TRMT9B: variants seen among roughly 807,000 people sequenced by gnomAD.
TRMT9B encodes tRNA methyltransferase 9B (putative), also known as probable tRNA methyltransferase 9B.
In TRMT9B, 16 loss-of-function variants were observed where a neutral mutation model predicts 11.5. The ratio of observed to expected loss-of-function variants is 1.39; its 90% CI spans 0.94 to 2.11. The LOEUF (loss-of-function observed/expected upper bound fraction) is 2.11, where lower values mean the gene tolerates loss of function less well. TRMT9B is among the 30% of genes most tolerant of loss of function. The pLI is 0.00. For synonymous variants in TRMT9B, 274 were observed against 192.4 expected (o/e 1.42, Z -3.51); for missense variants, 941 against 553.8 (o/e 1.70, Z -7.02).
chr8:13,029,253 G>C lies in TRMT9B; in HGVS notation c.*7209G>C, dbSNP rs866390995. ...ATTAGATGTTATAGTGCCTCTTCTC[G>C]TGTTGATACGTGTATTTGGGTCAAA... On this transcript the variant is annotated 3_prime_UTR_variant, in exon 5 of 5. Coordinates refer to ENST00000524591, the MANE Select transcript of TRMT9B (RefSeq NM_020844.3). 6.0e-6 allele frequency: 1 copy of C among 166,918 alleles called. No homozygotes were observed. The highest frequency in any genetic ancestry group is 1.5e-5 in the Non-Finnish European group (1 of 68,088). The allele number at this position is 166,918 out of a possible 1,614,324, so 10.3% of individuals were successfully genotyped here.
chr8:12,957,486 C>G (rs1379192762), intron 1 of TRMT9B, among the ~76,000 whole-genome samples: 1 of 151,916 alleles, frequency 6.6e-6, no homozygotes, highest in African/African-American at 2.4e-5. Context: ...AATACAGGTA[C>G]ATTCTCAATG....
intron 1 of TRMT9B, among the ~76,000 whole-genome samples, chr8:12,990,165 G>T (rs1309679743): frequency 2.0e-5 from 3 of 152,164 alleles, no homozygotes; most frequent in Non-Finnish European, 4.4e-5. Context: ...AAAAATGGTT[G>T]CAGGCTGGGA....
chr8:12,957,397 T>C (rs1229995557), intron 1 of TRMT9B, among the ~76,000 whole-genome samples: 1 of 152,102 alleles, frequency 6.6e-6, no homozygotes, highest in Admixed American at 6.6e-5. Context: ...GTTCATGAAG[T>C]AATCAGAAGC....
At chr8:12,979,911 C>T (rs1805077830) in intron 1 of TRMT9B, among the ~76,000 whole-genome samples, 1 of 152,090 alleles carries the variant, frequency 6.6e-6, no homozygotes, top group Admixed American at 6.6e-5. Flanking sequence ...GGGTTTGAAC[C>T]CTGATCGTCT....
chr8:13,002,083 G>T (rs1334098017), intron 2 of TRMT9B, among the ~76,000 whole-genome samples: 1 of 152,104 alleles, frequency 6.6e-6, no homozygotes, highest in African/African-American at 2.4e-5. Context: ...AAACAAAATA[G>T]ATTTATATTA....
intron 1 of TRMT9B, among the ~76,000 whole-genome samples, chr8:12,965,145 C>A (rs1181967713): frequency 6.6e-6 from 1 of 152,230 alleles, no homozygotes; most frequent in Admixed American, 6.5e-5. Flanking sequence ...TGGTGTTATT[C>A]CCTGCTTCAG....
intron 1 of TRMT9B, among the ~76,000 whole-genome samples, chr8:12,959,516 C>CTCTTTTTTTTTTTTT (rs757156112): frequency 1.3e-4 from 10 of 74,936 alleles, no homozygotes; most frequent in African/African-American, 5.0e-4. Context: ...TTTTTCCTTC[C>CTCTTTTTTTTTTTTT]TTTTTTTTTT....
intron 1 of TRMT9B, among the ~76,000 whole-genome samples, chr8:12,953,946 C>T: frequency 6.6e-6 from 1 of 152,188 alleles, no homozygotes; most frequent in East Asian, 1.9e-4. Flanking sequence ...TTTTCTAACT[C>T]CAAAGAAATT....
At chr8:13,001,857 A>G (rs1384551595) in intron 2 of TRMT9B, among the ~76,000 whole-genome samples, 1 of 152,144 alleles carries the variant, frequency 6.6e-6, no homozygotes, top group African/African-American at 2.4e-5. Flanking sequence ...CAGATTAGGA[A>G]TCCTGGCTAA....
rs368884818 is a variant in TRMT9B at position 12,980,486 on chromosome 8, C to T, written c.-199-10348C>T. Among the ~76,000 whole-genome samples the T allele has an allele frequency of 6.6e-5, 10 of 152,156 alleles. No individual in the cohort carries two copies. The East Asian group carries it at 1.2e-3, about 18-fold the overall frequency. On this transcript the variant is annotated intron_variant, in intron 1 of 4. Coordinates refer to ENST00000524591, the MANE Select transcript of TRMT9B (RefSeq NM_020844.3). ...GGTGTGACTACACCATCTCACGGGA[C>T]GGGGAGTGGGCAAAGCTCCCTGCTC...
chr8:12,979,604 C>T (rs1448743566), intron 1 of TRMT9B, among the ~76,000 whole-genome samples: 1 of 152,162 alleles, frequency 6.6e-6, no homozygotes, highest in Non-Finnish European at 1.5e-5. Flanking sequence ...TGTTAACTCC[C>T]AAAGCCTTGC....
At position 13,001,956 on chromosome 8, in the gene TRMT9B, C is replaced by G. The variant is rs185559565; in HGVS notation, c.-1-4246C>G. ...TAGCTTAGTCACACTTTCAAACTCA[C>G]AAGGAATTTGCTTATATAAATAAAA... On this transcript the variant is annotated intron_variant, in intron 2 of 4. Coordinates refer to ENST00000524591, the MANE Select transcript of TRMT9B (RefSeq NM_020844.3). Among the ~76,000 whole-genome samples, 938 of 152,226 alleles carry G rather than the reference C, an allele frequency of 6.2e-3. 10 individuals carry two copies. Among genetic ancestry groups the G allele is most frequent in the Admixed American group, 0.02 (311 of 15,292 alleles).
At chr8:12,948,051 G>T (rs1204848303) in intron 1 of TRMT9B, among the ~76,000 whole-genome samples, 1 of 152,124 alleles carries the variant, frequency 6.6e-6, no homozygotes. Flanking sequence ...TAGTACTGTT[G>T]CTCCTTGACT....
At chr8:13,020,723 C>T (rs1435370342) in intron 4 of TRMT9B, among the ~76,000 whole-genome samples, 4 of 152,164 alleles carry the variant, frequency 2.6e-5, no homozygotes, top group African/African-American at 9.7e-5. Context: ...GATTTATGGA[C>T]TCTAGACTTC....
At position 12,992,774 on chromosome 8, in the gene TRMT9B, C is replaced by A. The variant is rs567497172; in HGVS notation, c.-2+1743C>A. Among the ~76,000 whole-genome samples the A allele has an allele frequency of 3.6e-3, 541 of 152,110 alleles. 2 individuals carry two copies. Among genetic ancestry groups the A allele is most frequent in the African/African-American group, 0.012 (506 of 41,506 alleles). ...GTCCCAGCTACTCAGGAGGCTGAGG[C>A]AGGAGAATTGCTTGAATCTGGGAGG... On this transcript the variant is annotated intron_variant, in intron 2 of 4. Transcript: ENST00000524591.
At position 13,022,952 on chromosome 8, in the gene TRMT9B, C is replaced by T. The variant is rs958283370; in HGVS notation, c.*908C>T. On this transcript the variant is annotated 3_prime_UTR_variant, in exon 5 of 5. Transcript: ENST00000524591. ...GAACTATGATTGCATCACTGCACTG[C>T]AGCCTGGGCAACATAGCAAGACTCT... 4.2e-5 allele frequency: 7 copies of T among 166,492 alleles called. No individual in the cohort carries two copies. Among genetic ancestry groups the T allele is most frequent in the South Asian group, 2.1e-4 (1 of 4,804 alleles). 10.3% of individuals were successfully genotyped at this position (166,492 alleles called of 1,614,324 possible).
intron 1 of TRMT9B, chr8:12,952,398 G>A (rs1461044185): frequency 6.5e-6 from 2 of 309,620 alleles, no homozygotes; most frequent in South Asian, 4.7e-5. Flanking sequence ...AGTAGCCCGG[G>A]GTGGCTGTTT....
intron 3 of TRMT9B, 119 bp from the exon 4 acceptor site, chr8:13,012,565 A>G: frequency 7.7e-7 from 1 of 1,290,842 alleles, no homozygotes; most frequent in South Asian, 1.7e-5. Context: ...ACTGAGGGAG[A>G]CTCTGTCTCA....
chr8:13,003,970 A>C (rs561623966), intron 2 of TRMT9B, among the ~76,000 whole-genome samples: 40 of 151,802 alleles, frequency 2.6e-4, no homozygotes, highest in Non-Finnish European at 5.0e-4. Context: ...AGCCATGTGC[A>C]TGCAGAGAGA....
Sources: allele counts gnomAD v4.1 joint callset (sites outside exome capture counted in the v4.1 genomes callset), GRCh38; gene constraint gnomAD v4.1.1; transcripts MANE v1.5; gene names NCBI Gene and HGNC (gene_info 2026-07-23, HGNC 2026-07-21).